The following PPIF variants were observed in gnomAD, a reference collection of about 807,000 sequenced individuals.
PPIF encodes the protein peptidyl-prolyl cis-trans isomerase F, mitochondrial.
Under a neutral mutation model 20.2 loss-of-function variants are expected in PPIF, and 23 were observed. The ratio of observed to expected loss-of-function variants is 1.14; its 90% CI spans 0.82 to 1.61. The LOEUF is 1.61. Among genes scored for constraint, PPIF ranks in the 40% most tolerant of loss-of-function variants. The pLI is 0.00. For missense variants in PPIF, 287 were observed against 291.6 expected (o/e 0.98, Z 0.11); for synonymous variants, 113 against 123.1 (o/e 0.92, Z 0.54).
chr10:79,347,665 TTCCTCC>T lies in PPIF; in HGVS notation c.124_129del (p.Ser42_Ser43del). The T allele has an allele frequency of 1.4e-6, 2 of 1,473,694 alleles. No individual in the cohort carries two copies. Among genetic ancestry groups the T allele is most frequent in the Non-Finnish European group, 1.8e-6 (2 of 1,108,876 alleles). 91.3% of individuals were successfully genotyped at this position (1,473,694 alleles called of 1,614,324 possible). The stretch of plus-strand genomic sequence containing the variant: ...GCAAGGGCTCCGGCGACCCGTCCTC[TTCCTCC>T]TCCTCCGGGAACCCGCTCGTGTACC... On this transcript the variant is annotated inframe_deletion, in exon 1 of 6. Coordinates refer to ENST00000225174, the MANE Select transcript of PPIF (RefSeq NM_005729.4).
At chr10:79,351,078 G>C (rs1372144455) in intron 3 of PPIF, among the ~76,000 whole-genome samples, 1 of 152,178 alleles carries the variant, frequency 6.6e-6, no homozygotes, top group Non-Finnish European at 1.5e-5. Context: ...CTGGGGAGCT[G>C]GTCTGGACCA....
rs574840818 is a variant in PPIF at position 79,349,176 on chromosome 10, G to C, written c.226+70G>C. On this transcript the variant is annotated intron_variant, in intron 2 of 5. Coordinates refer to ENST00000225174, the MANE Select transcript of PPIF (RefSeq NM_005729.4). ...GGGGCCAGGCAGGGCAAGGTGGGTG[G>C]CGTGATGAGAAGAGTCGGGGCTCAG... 7 of 1,612,770 alleles carry C rather than the reference G, an allele frequency of 4.3e-6. No individual in the cohort carries two copies. In the African/African-American group the frequency reaches 8.0e-5, roughly 18 times the overall value.
At chr10:79,349,924 C>G (rs529473441) in intron 3 of PPIF, 171 bp downstream of exon 3, 1 of 1,402,646 alleles carries the variant, frequency 7.1e-7, no homozygotes, top group African/African-American at 1.4e-5. Flanking sequence ...CACATGGAAG[C>G]CCAGCCCCAA....
chr10:79,353,569 C>T, intron 5 of PPIF, 138 bp from the exon 6 acceptor site: 2 of 1,492,328 alleles, frequency 1.3e-6, no homozygotes, highest in South Asian at 2.5e-5. Context: ...CTTGATCGAG[C>T]TTTGGGGGTA....
At chr10:79,351,404 T>A in intron 3 of PPIF, 83 bp from the exon 4 acceptor site, 2 of 1,323,270 alleles carry the variant, frequency 1.5e-6, no homozygotes, top group East Asian at 5.0e-5. Context: ...TGGGCTTGGG[T>A]GGGCTGAGGC....
At chr10:79,351,748 T>C in intron 4 of PPIF, 165 bp downstream of exon 4, 1 of 599,372 alleles carries the variant, frequency 1.7e-6, no homozygotes, top group Non-Finnish European at 2.8e-6. Context: ...CTTGTTGAGT[T>C]TCCCTAGAGT....
Position 79,347,568 on chromosome 10 carries a change from G to A in PPIF, c.20G>A (p.Gly7Asp). The change falls in exon 1 of 6, where the codon GGC becomes GAC. Residue 7 changes from glycine (G) to aspartate (D), a missense_variant. Coordinates refer to ENST00000225174, the MANE Select transcript of PPIF (RefSeq NM_005729.4). MLALRCGSRWLGLLSVP... is the reference protein window; with the variant it reads MLALRCDSRWLGLLSVP... ...CCCGCGATGCTGGCGCTGCGCTGCG[G>A]CTCCCGCTGGCTCGGCCTGCTCTCC... is the stretch of plus-strand genomic sequence containing the variant. The A allele has an allele frequency of 2.2e-6, 3 of 1,357,934 alleles. No individual in the cohort carries two copies. The highest frequency in any genetic ancestry group is 2.8e-6 in the Non-Finnish European group (3 of 1,055,796). 84.1% of individuals were successfully genotyped at this position (1,357,934 alleles called of 1,614,324 possible).
In PPIF at chr10:79,347,501, T is replaced by A. The variant is rs1225588873; in HGVS notation, c.-48T>A. On this transcript the variant is annotated 5_prime_UTR_variant, in exon 1 of 6. Transcript: ENST00000225174. Reference sequence around the variant, plus strand: ...CTTCTGGGCGCGCGCGACGTCAGTTTGAGTTCTGTGTTCTCCCCGCCCGTG... The same window carrying A: ...CTTCTGGGCGCGCGCGACGTCAGTTAGAGTTCTGTGTTCTCCCCGCCCGTG... The A allele has an allele frequency of 3.2e-6, 4 of 1,263,080 alleles. No homozygotes were observed. The highest frequency in any genetic ancestry group is 2.8e-5 in the South Asian group (1 of 35,108). The allele number at this position is 1,263,080 out of a possible 1,614,324, so 78.2% of individuals were successfully genotyped here.
chr10:79,352,495 C>A, intron 5 of PPIF, 103 bp downstream of exon 5: 1 of 1,216,600 alleles, frequency 8.2e-7, no homozygotes, highest in Non-Finnish European at 1.2e-6. Flanking sequence ...AGGCCTTCTG[C>A]TCTGGGACAG....
At chr10:79,348,297 C>T (rs1177749783) in intron 1 of PPIF, among the ~76,000 whole-genome samples, 1 of 152,202 alleles carries the variant, frequency 6.6e-6, no homozygotes, top group Non-Finnish European at 1.5e-5. Context: ...CCAGAATGCC[C>T]CTCCTGCGAG....
At position 79,354,117 on chromosome 10, in the gene PPIF, A is replaced by G. The variant is rs1856018268; in HGVS notation, c.*275A>G. ...AGCATTGCCTGTGATTGCCCAGCCC[A>G]GATTCATCTGTGCCTTGGACATGGT... On this transcript the variant is annotated 3_prime_UTR_variant, in exon 6 of 6. Transcript: ENST00000225174. 1 of 475,564 alleles carries G rather than the reference A, an allele frequency of 2.1e-6. No homozygotes were observed. Among genetic ancestry groups the G allele is most frequent in the African/African-American group, 2.0e-5 (1 of 51,278 alleles). The allele number at this position is 475,564 out of a possible 1,614,324, so 29.5% of individuals were successfully genotyped here. A position where few individuals can be genotyped will look rare whatever the true frequency, so the allele number is the denominator to read the frequency against.
chr10:79,353,655 T>C (rs767068768), intron 5 of PPIF, 52 bp from the exon 6 acceptor site: 2 of 1,613,946 alleles, frequency 1.2e-6, no homozygotes, highest in South Asian at 1.1e-5. Flanking sequence ...GTCCATGGCA[T>C]TGGATGACAT....
chr10:79,352,505 GT>G, intron 5 of PPIF, 113 bp downstream of exon 5: 1 of 1,057,876 alleles, frequency 9.5e-7, no homozygotes, highest in Non-Finnish European at 1.4e-6. Context: ...CTCTGGGACA[GT>G]GGCCCTCTCC....
chr10:79,351,455 G>T lies in PPIF; in HGVS notation c.316-32G>T, dbSNP rs985591584. On this transcript the variant is annotated intron_variant, in intron 3 of 5. Coordinates refer to ENST00000225174, the MANE Select transcript of PPIF (RefSeq NM_005729.4). ...GGCCGTGGCCCCCGCCTGCTCCATG[G>T]TAGCCACTCAGAAGGTGCTTTGTGC... 7.5e-6 allele frequency: 12 copies of T among 1,609,460 alleles called. No individual in the cohort carries two copies. The East Asian group carries it at 2.7e-4, about 36-fold the overall frequency.
At chr10:79,352,664 G>A (rs573397727) in intron 5 of PPIF, among the ~76,000 whole-genome samples, 15 of 152,240 alleles carry the variant, frequency 9.9e-5, no homozygotes, top group Admixed American at 3.9e-4. Context: ...ACGCACACAC[G>A]AAAGGGTTTC....
At chr10:79,347,848 C>T in intron 1 of PPIF, 105 bp downstream of exon 1, 1 of 1,229,364 alleles carries the variant, frequency 8.1e-7, no homozygotes, top group Non-Finnish European at 1.0e-6. Context: ...CTTGGGCCTC[C>T]CCATGCCGAG....
At chr10:79,353,193 A>C (rs1856004045) in intron 5 of PPIF, among the ~76,000 whole-genome samples, 1 of 152,216 alleles carries the variant, frequency 6.6e-6, no homozygotes, top group African/African-American at 2.4e-5. Context: ...TGGATCCTGC[A>C]GTTCTGCTCT....
At chr10:79,352,807 A>G (rs1400831323) in intron 5 of PPIF, among the ~76,000 whole-genome samples, 2 of 152,260 alleles carry the variant, frequency 1.3e-5, no homozygotes, top group African/African-American at 4.8e-5. Flanking sequence ...AGCCTTGGCA[A>G]TGCTGCAGCA....
intron 5 of PPIF, among the ~76,000 whole-genome samples, chr10:79,352,800 C>T (rs1001248070): frequency 2.0e-5 from 3 of 152,238 alleles, no homozygotes; most frequent in African/African-American, 7.2e-5. Flanking sequence ...TGGGCTGAGC[C>T]TTGGCAATGC....
Sources: gnomAD v4.1 joint callset for allele counts (sites outside exome capture counted in the v4.1 genomes callset) on GRCh38, gnomAD v4.1.1 for gene constraint, MANE v1.5 for transcripts, NCBI Gene and HGNC (gene_info 2026-07-23, HGNC 2026-07-21) for gene names.